Variants in CAPN13 observed in about 807,000 individuals in gnomAD.
The protein encoded by CAPN13 is calpain 13.
A neutral mutation model predicts 98.4 loss-of-function variants in CAPN13; 90 were observed. That is an observed-to-expected ratio of 0.92 (90% CI 0.77 to 1.09). The LOEUF is 1.09. Among genes scored for constraint, CAPN13 ranks in the 50% least tolerant of loss-of-function variants. The pLI is 0.00. For missense variants in CAPN13, 887 were observed against 841.3 expected, an observed-to-expected ratio of 1.05 and a Z score of -0.67; for synonymous variants, 330 against 305.5, an observed-to-expected ratio of 1.08 and a Z score of -0.84.
chr2:30,751,836 G>T (rs953761675), intron 10 of CAPN13, among the ~76,000 whole-genome samples: 3 of 152,224 alleles, frequency 2.0e-5, no homozygotes, highest in African/African-American at 7.2e-5. Flanking sequence ...AGGCGTAGAG[G>T]ACCATCATAG....
Position 30,738,449 on chromosome 2 carries a change from G to A in CAPN13, c.1545C>T (p.Asp515=). 2 of 1,604,270 alleles carry A rather than the reference G, an allele frequency of 1.2e-6. No homozygotes were observed. Among genetic ancestry groups the A allele is most frequent in the Admixed American group, 1.7e-5 (1 of 58,574 alleles). Residue 515 remains aspartate, a synonymous_variant, in exon 16 of 23, where the codon GAC becomes GAT. Transcript: ENST00000295055. ...IFNRYAQQRL[D]IDATQLQGLL... Reference sequence around the variant, plus strand: ...GGCCCTGAAGCTGGGTGGCATCAATGTCCAGCCTCTGATCCAAACAAGGAA... The same window carrying A: ...GGCCCTGAAGCTGGGTGGCATCAATATCCAGCCTCTGATCCAAACAAGGAA...
chr2:30,775,730 C>T (rs969108912), intron 4 of CAPN13, among the ~76,000 whole-genome samples, 200 bp downstream of exon 4: 3 of 152,176 alleles, frequency 2.0e-5, no homozygotes, highest in Admixed American at 2.0e-4. Flanking sequence ...TTTATTTACA[C>T]AAAAACATTT....
In CAPN13 at chr2:30,743,505, G is replaced by C. The variant is rs140029412; in HGVS notation, c.1323C>G (p.Phe441Leu). 3.1e-4 allele frequency: 493 copies of C among 1,613,926 alleles called. 2 individuals are homozygous for C. The African/African-American group carries it at 5.7e-3, about 19-fold the overall frequency. ...GGTAAGTCATGGTGAAGTTGCGGCG[G>C]AATTTATTATTTGAGCTTTGGACAG... ...RNTVQSSNNK[F>L]RRNFTMTYHL... is the part of the protein sequence containing the mutation. Residue 441 changes from phenylalanine to leucine, a missense_variant, in exon 13 of 23, where the codon TTC becomes TTG. Physicochemically the swap from Phe to Leu is conservative, Grantham distance 22. Transcript: ENST00000295055.
chr2:30,741,235 G>A (rs1352554446), intron 15 of CAPN13: 2 of 316,864 alleles, frequency 6.3e-6, no homozygotes, highest in South Asian at 1.2e-4. Context: ...CTGCTTCTGG[G>A]TGACTACTAC....
intron 15 of CAPN13, among the ~76,000 whole-genome samples, chr2:30,739,705 C>G (rs965625460): frequency 2.0e-5 from 3 of 152,120 alleles, no homozygotes; most frequent in Admixed American, 6.5e-5. Flanking sequence ...GGGCATGGAC[C>G]GTGTCTTTTT....
At chr2:30,726,046 G>C (rs1254090751) in intron 22 of CAPN13, among the ~76,000 whole-genome samples, 2 of 152,188 alleles carry the variant, frequency 1.3e-5, no homozygotes, top group Non-Finnish European at 2.9e-5. Flanking sequence ...GTATAAACCT[G>C]AAAGAATGAT....
intron 8 of CAPN13, among the ~76,000 whole-genome samples, chr2:30,755,255 G>A (rs1489270809): frequency 1.3e-5 from 2 of 151,714 alleles, no homozygotes; most frequent in African/African-American, 2.4e-5. Context: ...GCCTTGCTTG[G>A]CCCCCAAATG....
At chr2:30,801,410 T>C (rs773670165) in intron 1 of CAPN13, among the ~76,000 whole-genome samples, 2 of 150,868 alleles carry the variant, frequency 1.3e-5, no homozygotes, top group Non-Finnish European at 3.0e-5. Flanking sequence ...GGTCAGGAGT[T>C]TGAGACCAGC....
At position 30,769,275 on chromosome 2, in the gene CAPN13, G is replaced by A. The variant is rs138002570; in HGVS notation, c.524+1038C>T. Among the ~76,000 whole-genome samples, 335 of 152,178 alleles carry A rather than the reference G, an allele frequency of 2.2e-3. 2 individuals are homozygous for A. Among genetic ancestry groups the A allele is most frequent in the African/African-American group, 7.7e-3 (321 of 41,520 alleles). On this transcript the variant is annotated intron_variant, in intron 5 of 22. Coordinates refer to ENST00000295055, the MANE Select transcript of CAPN13 (RefSeq NM_144575.3). ...GGGTGTGAGAAGTGTGTGTAGCCAA[G>A]CTAAGTATTGTCGGGTTGTCCTTCA...
chr2:30,783,471 G>T (rs574401398), intron 2 of CAPN13, among the ~76,000 whole-genome samples: 1 of 152,250 alleles, frequency 6.6e-6, no homozygotes, highest in African/African-American at 2.4e-5. Context: ...GCAGCAAAAT[G>T]GTTTAGATTA....
chr2:30,752,046 G>A (rs1182099302), intron 10 of CAPN13, among the ~76,000 whole-genome samples: 1 of 152,228 alleles, frequency 6.6e-6, no homozygotes, highest in African/African-American at 2.4e-5. Context: ...TCAGAGAGGT[G>A]CAGCTCAGGA....
intron 1 of CAPN13, among the ~76,000 whole-genome samples, chr2:30,797,494 C>T (rs923292649): frequency 1.3e-5 from 2 of 152,082 alleles, no homozygotes; most frequent in African/African-American, 2.4e-5. Flanking sequence ...ATAAAGTGGA[C>T]GGGAGGTGGA....
chr2:30,785,546 A>G (rs957019907), intron 2 of CAPN13, among the ~76,000 whole-genome samples: 2 of 152,140 alleles, frequency 1.3e-5, no homozygotes, highest in African/African-American at 4.8e-5. Context: ...GGCTGCCTCT[A>G]TTTTGGGTTC....
chr2:30,788,342 C>T (rs1326940578), intron 1 of CAPN13, among the ~76,000 whole-genome samples: 1 of 152,194 alleles, frequency 6.6e-6, no homozygotes, highest in African/African-American at 2.4e-5. Context: ...TAAATGTTAG[C>T]ATCCCAATTT....
At chr2:30,755,324 A>G (rs915849266) in intron 8 of CAPN13, among the ~76,000 whole-genome samples, 1 of 152,016 alleles carries the variant, frequency 6.6e-6, no homozygotes. Flanking sequence ...TACTTTGTGT[A>G]TTGGTTGCTA....
intron 4 of CAPN13, 26 bp downstream of exon 4, chr2:30,775,904 A>T: frequency 6.5e-7 from 1 of 1,544,942 alleles, no homozygotes; most frequent in Non-Finnish European, 8.9e-7. Context: ...CCCATCATAT[A>T]ATGAGCGCTG....
intron 22 of CAPN13, chr2:30,729,622 T>C (rs1028442820): frequency 6.6e-6 from 1 of 152,176 alleles, no homozygotes; most frequent in Admixed American, 6.5e-5. Context: ...CTCAAGGAAA[T>C]ATGATTGGGT....
At chr2:30,755,321 T>C (rs887330387) in intron 8 of CAPN13, among the ~76,000 whole-genome samples, 2 of 152,138 alleles carry the variant, frequency 1.3e-5, no homozygotes, top group African/African-American at 4.8e-5. Flanking sequence ...CATTACTTTG[T>C]GTATTGGTTG....
At chr2:30,729,336 T>C (rs1283050693) in intron 22 of CAPN13, among the ~76,000 whole-genome samples, 3 of 152,180 alleles carry the variant, frequency 2.0e-5, no homozygotes, top group Non-Finnish European at 4.4e-5. Flanking sequence ...AACACGACAA[T>C]GCCTCTAATA....
Sources: allele counts gnomAD v4.1 joint callset (sites outside exome capture counted in the v4.1 genomes callset), GRCh38; gene constraint gnomAD v4.1.1; transcripts MANE v1.5; gene names NCBI Gene and HGNC (gene_info 2026-07-23, HGNC 2026-07-21).